Variants in ARHGAP44 observed in about 807,000 individuals in gnomAD.
The protein encoded by ARHGAP44 is rho GTPase-activating protein 44.
In ARHGAP44, 43 loss-of-function variants were observed where a neutral mutation model predicts 106.8. The observed-to-expected ratio is 0.40, with a 90% CI of 0.32 to 0.52. The LOEUF (loss-of-function observed/expected upper bound fraction) is 0.52, where lower values mean the gene tolerates loss of function less well. Ranked by LOEUF, ARHGAP44 falls within the 20% of genes least tolerant of loss-of-function variation. The probability of loss-of-function intolerance (pLI) is 0.48; values close to 1 mark genes in which losing one functional copy is unlikely to be tolerated. For missense variants in ARHGAP44, 866 were observed against 1,050.5 expected (o/e 0.82, Z 2.43); for synonymous variants, 439 against 410.3 (o/e 1.07, Z -0.85).
chr17:12,836,635 T>C (rs2035246049), intron 1 of ARHGAP44, among the ~76,000 whole-genome samples: 1 of 149,754 alleles, frequency 6.7e-6, no homozygotes, highest in African/African-American at 2.5e-5. Context: ...CCAGCCTGGG[T>C]GACAGAGTGA....
At chr17:12,871,350 C>T (rs913764976) in intron 1 of ARHGAP44, among the ~76,000 whole-genome samples, 4 of 152,106 alleles carry the variant, frequency 2.6e-5, no homozygotes, top group Admixed American at 1.3e-4. Flanking sequence ...AGTCCATTCT[C>T]GCACTGCTGT....
At chr17:12,972,014 A>G (rs1027328988) in intron 16 of ARHGAP44, among the ~76,000 whole-genome samples, 17 of 152,190 alleles carry the variant, frequency 1.1e-4, no homozygotes, top group African/African-American at 4.1e-4. Context: ...CTGTACCTCT[A>G]CAAGGTAAAT....
Position 12,851,430 on chromosome 17 carries a change from T to C in ARHGAP44, c.54-43510T>C, listed in dbSNP as rs115050890. Among the ~76,000 whole-genome samples the C allele has an allele frequency of 4.6e-3, 691 of 149,328 alleles. 6 individuals are homozygous for C. The highest frequency in any genetic ancestry group is 0.016 in the African/African-American group (654 of 39,642). On this transcript the variant is annotated intron_variant, in intron 1 of 20. Coordinates refer to ENST00000379672, the MANE Select transcript of ARHGAP44 (RefSeq NM_014859.6). ...TCATCACACCCTCCTTCTCCCTCAC[T>C]GCTCCATGACACATGGGCCATTATC...
chr17:12,912,384 A>T (rs189058483), intron 4 of ARHGAP44, among the ~76,000 whole-genome samples: 1 of 151,474 alleles, frequency 6.6e-6, no homozygotes, highest in South Asian at 2.1e-4. Flanking sequence ...CACAGACAGT[A>T]GAAAAAATTA....
chr17:12,944,315 T>A, intron 10 of ARHGAP44, 119 bp downstream of exon 10: 1 of 1,324,566 alleles, frequency 7.5e-7, no homozygotes, highest in Non-Finnish European at 9.9e-7. Context: ...CCAAATGGCT[T>A]AAGACAGTGG....
chr17:12,954,189 C>T (rs911872423), intron 13 of ARHGAP44, among the ~76,000 whole-genome samples: 2 of 151,952 alleles, frequency 1.3e-5, no homozygotes, highest in Non-Finnish European at 2.9e-5. Context: ...TGAGCCACGG[C>T]GCCTGGCTGA....
chr17:12,943,585 C>A lies in ARHGAP44; in HGVS notation c.652-3C>A. 6.2e-7 allele frequency: 1 copy of A among 1,613,730 alleles called. No homozygotes were observed. The highest frequency in any genetic ancestry group is 1.1e-5 in the South Asian group (1 of 91,038). On this transcript the variant is annotated splice_region_variant and splice_polypyrimidine_tract_variant and intron_variant, in intron 8 of 20. Coordinates refer to ENST00000379672, the MANE Select transcript of ARHGAP44 (RefSeq NM_014859.6). ...GGGTGATGCTTGCCTTGTGTCTTCT[C>A]AGCTAATAGAAGTGCAAGCTGAATA...
At chr17:12,942,326 T>C (rs1386379778) in intron 8 of ARHGAP44, among the ~76,000 whole-genome samples, 2 of 152,184 alleles carry the variant, frequency 1.3e-5, no homozygotes, top group East Asian at 3.9e-4. Flanking sequence ...TTTGTATTTT[T>C]AGTAGAGTTG....
At chr17:12,805,476 T>C (rs926790029) in intron 1 of ARHGAP44, among the ~76,000 whole-genome samples, 4 of 152,256 alleles carry the variant, frequency 2.6e-5, no homozygotes, top group South Asian at 2.1e-4. Flanking sequence ...TGTTGGCTTA[T>C]ATTCATGCCT....
intron 18 of ARHGAP44, among the ~76,000 whole-genome samples, chr17:12,978,472 A>G (rs1246634513): frequency 6.6e-6 from 1 of 152,216 alleles, no homozygotes; most frequent in Non-Finnish European, 1.5e-5. Context: ...TCCACATTGA[A>G]TGTGATCTTC....
At chr17:12,838,234 C>T (rs529535472) in intron 1 of ARHGAP44, among the ~76,000 whole-genome samples, 10 of 152,022 alleles carry the variant, frequency 6.6e-5, no homozygotes, top group South Asian at 2.1e-4. Flanking sequence ...CGATTTGTTT[C>T]CCAGAAAATA....
chr17:12,878,435 G>A (rs746647661), intron 1 of ARHGAP44, among the ~76,000 whole-genome samples: 23 of 151,990 alleles, frequency 1.5e-4, no homozygotes, highest in Admixed American at 4.6e-4. Context: ...TTAGTCTCTC[G>A]TATACAGAAA....
intron 1 of ARHGAP44, among the ~76,000 whole-genome samples, chr17:12,810,364 T>C (rs2034401822): frequency 6.6e-6 from 1 of 152,196 alleles, no homozygotes; most frequent in Admixed American, 6.5e-5. Flanking sequence ...ATAAGGAATA[T>C]CTTATCTTGG....
Position 12,990,999 on chromosome 17 carries a change from G to A in ARHGAP44, c.*828G>A, listed in dbSNP as rs1245906504. ...CCAGTTCACTAGTCTGTGGGGTCCT[G>A]GAGCCTGTCTCTTCTTTCTGGAGGT... On this transcript the variant is annotated 3_prime_UTR_variant, in exon 21 of 21. Transcript: ENST00000379672. 1 of 152,632 alleles carries A rather than the reference G, an allele frequency of 6.6e-6. No homozygotes were observed. The highest frequency in any genetic ancestry group is 1.5e-5 in the Non-Finnish European group (1 of 68,046). 9.5% of individuals were successfully genotyped at this position (152,632 alleles called of 1,614,324 possible).
In ARHGAP44 at chr17:12,958,777, A is replaced by G. The variant is rs372795902; in HGVS notation, c.1403A>G (p.Asn468Ser). The G allele has an allele frequency of 1.9e-6, 3 of 1,613,780 alleles. No individual in the cohort carries two copies. The highest frequency in any genetic ancestry group is 1.3e-5 in the African/African-American group (1 of 75,038). Residue 468 changes from asparagine to serine, a missense_variant, in exon 16 of 21, where the codon AAC (asparagine) becomes AGC (serine). Around this residue, in one of 2 missense-constraint regions of ARHGAP44, gnomAD observed 448 missense variants for 646.9 expected, o/e 0.69. Coordinates refer to ENST00000379672, the MANE Select transcript of ARHGAP44 (RefSeq NM_014859.6). This position sits in a 1 kb window ranked among gnomAD's most constrained non-coding sequence, Gnocchi z 4.1. The part of the protein sequence containing the change: ...GSPVHVNHNA[N>S]YSSMPSPDMD... The stretch of plus-strand genomic sequence containing the variant: ...CCAGTACACGTGAACCATAATGCCA[A>G]CTACAGCTCAATGCCCTCCCCAGAC...
At chr17:12,877,437 G>T (rs889270661) in intron 1 of ARHGAP44, among the ~76,000 whole-genome samples, 1 of 152,070 alleles carries the variant, frequency 6.6e-6, no homozygotes, top group Non-Finnish European at 1.5e-5. Context: ...TAAGATCATC[G>T]TTGGTTTATA....
Position 12,896,397 on chromosome 17 carries a change from C to T in ARHGAP44, c.94-10C>T. ...TCTCTCAGTGGCACCACCCGCTCTTCTCTCTGCAGGTGGAGAAGCGTCTGG... is the reference window on the plus strand; with the variant it reads ...TCTCTCAGTGGCACCACCCGCTCTTTTCTCTGCAGGTGGAGAAGCGTCTGG... On this transcript the variant is annotated splice_polypyrimidine_tract_variant and intron_variant, in intron 2 of 20. Coordinates refer to ENST00000379672, the MANE Select transcript of ARHGAP44 (RefSeq NM_014859.6). 1 of 1,585,632 alleles carries T rather than the reference C, an allele frequency of 6.3e-7. No homozygotes were observed. The highest frequency in any genetic ancestry group is 8.6e-7 in the Non-Finnish European group (1 of 1,166,186).
At chr17:12,976,836 A>G (rs977979911) in intron 18 of ARHGAP44, among the ~76,000 whole-genome samples, 1 of 152,050 alleles carries the variant, frequency 6.6e-6, no homozygotes, top group African/African-American at 2.4e-5. Context: ...TCATTGGAGA[A>G]GCAGAGTCTG....
At chr17:12,989,640 G>C (rs1180340021) in intron 20 of ARHGAP44, among the ~76,000 whole-genome samples, 2 of 152,128 alleles carry the variant, frequency 1.3e-5, no homozygotes, top group Non-Finnish European at 1.5e-5. Context: ...GGGGTCCACT[G>C]TCTCACGTCC....
Sources: gnomAD v4.1 joint callset for allele counts (sites outside exome capture counted in the v4.1 genomes callset) on GRCh38, gnomAD v4.1.1 for gene constraint, gnomAD v4.1.1 regional missense constraint, Gnocchi (gnomAD v3.1) non-coding constraint, MANE v1.5 for transcripts, NCBI Gene and HGNC (gene_info 2026-07-23, HGNC 2026-07-21) for gene names.